The following SEMA4G variants were observed in gnomAD, a reference collection of about 807,000 sequenced individuals.
SEMA4G encodes the protein semaphorin-4G.
SEMA4G carries 59 observed loss-of-function variants against 81.2 expected under a neutral mutation model. The ratio of observed to expected loss-of-function variants is 0.73; its 90% CI spans 0.59 to 0.90. SEMA4G has a LOEUF of 0.90. SEMA4G is among the 40% of genes least tolerant of loss of function. The pLI, the probability that SEMA4G is intolerant of heterozygous loss-of-function variation, is 0.00. For missense variants in SEMA4G, 952 were observed against 1,102.3 expected, an observed-to-expected ratio of 0.86 and a Z score of 1.93; for synonymous variants, 404 against 433.9, an observed-to-expected ratio of 0.93 and a Z score of 0.86.
chr10:100,984,374 G>C, exon 14 of SEMA4G: 1 of 1,447,844 alleles, frequency 6.9e-7, no homozygotes, highest in Non-Finnish European at 9.0e-7. Context: ...GCTCCCTCAG[G>C]ATCAGGTGCC....
chr10:100,982,319 A>G (rs1305061361), intron 13 of SEMA4G, among the ~76,000 whole-genome samples: 1 of 152,180 alleles, frequency 6.6e-6, no homozygotes, highest in Non-Finnish European at 1.5e-5. Flanking sequence ...CCGAAAAGCA[A>G]TAGGAAACCT....
In SEMA4G at chr10:100,984,679, C is replaced by A. The variant is rs1351283007; in HGVS notation, c.*548C>A. On this transcript the variant is annotated 3_prime_UTR_variant, in exon 14 of 14. Coordinates refer to ENST00000370250, the Ensembl canonical transcript of SEMA4G. ...CACCCTCACCTTCTCCTGGTGCATT[C>A]TTGTTTCATCCCTGCTTCTGGACTT... is the stretch of plus-strand genomic sequence containing the variant. The A allele has an allele frequency of 2.0e-6, 3 of 1,536,270 alleles. No individual in the cohort carries two copies. The Admixed American group carries it at 5.9e-5, about 30-fold the overall frequency.
Position 100,973,645 on chromosome 10 carries a change from C to T in SEMA4G, c.336+36C>T. 6.3e-7 allele frequency: 1 copy of T among 1,596,514 alleles called. No homozygotes were observed. Among genetic ancestry groups the T allele is most frequent in the Non-Finnish European group, 8.6e-7 (1 of 1,164,890 alleles). ...TGCCCTGTCCCCAGCTCCTTTCCTCCCCTTCTTCCTCAATCAGGGATGCCA... is the reference window on the plus strand; with the variant it reads ...TGCCCTGTCCCCAGCTCCTTTCCTCTCCTTCTTCCTCAATCAGGGATGCCA... On this transcript the variant is annotated intron_variant, in intron 3 of 13. Transcript: ENST00000370250. The surrounding 1 kb of genome is among the most constrained non-coding windows in gnomAD (Gnocchi z 5.5).
chr10:100,969,883 CGAA>C (rs1382889823), upstream of SEMA4G: 1 of 455,876 alleles, frequency 2.2e-6, no homozygotes, highest in South Asian at 1.5e-5. Context: ...CCGGCGGGAT[CGAA>C]GGAGAGCTTG....
In SEMA4G at chr10:100,973,561, C is replaced by T. The variant is rs879452513; in HGVS notation, c.288C>T (p.Ala96=). ...GCCTCCACTAGATCCACTGGGAAGC[C>T]TCCCCAGAGATGCAAAGCAAATGTC... is the stretch of plus-strand genomic sequence containing the variant. The change falls in exon 3 of 14, where the codon GCC becomes GCT. Residue 96 remains alanine (A), a synonymous_variant. Coordinates refer to ENST00000370250, the Ensembl canonical transcript of SEMA4G. The surrounding 1 kb of genome is among the most constrained non-coding windows in gnomAD (Gnocchi z 5.5). 1.2e-6 allele frequency: 2 copies of T among 1,614,056 alleles called. No individual in the cohort carries two copies. Among genetic ancestry groups the T allele is most frequent in the African/African-American group, 1.3e-5 (1 of 74,916 alleles).
At chr10:100,975,274 A>G (rs1384880380) in intron 3 of SEMA4G, among the ~76,000 whole-genome samples, 1 of 152,230 alleles carries the variant, frequency 6.6e-6, no homozygotes, top group Non-Finnish European at 1.5e-5. Flanking sequence ...GAAGGGCCCA[A>G]GAGTCTGCAA....
chr10:100,984,119 G>C lies in SEMA4G; in HGVS notation c.2505G>C (p.Glu835Asp), dbSNP rs138231164. Reference sequence around the variant, plus strand: ...CGCAGCTCGTGGAGCAGCTAGATGAGAGCTCTGTCTGAGCCCAGCCTCCCA... The same window carrying C: ...CGCAGCTCGTGGAGCAGCTAGATGACAGCTCTGTCTGAGCCCAGCCTCCCA... Residue 835 changes from glutamate (E) to aspartate (D), a missense_variant, in exon 14 of 14, where the codon GAG (glutamate) becomes GAC (aspartate). Around this residue, in one of 3 missense-constraint regions of SEMA4G, gnomAD observed 385 missense variants for 413.5 expected, o/e 0.93. Transcript: ENST00000370250. The C allele has an allele frequency of 1.3e-4, 210 of 1,610,222 alleles. No individual in the cohort carries two copies. Among genetic ancestry groups the C allele is most frequent in the Non-Finnish European group, 1.6e-4 (194 of 1,178,354 alleles).
upstream of SEMA4G, among the ~76,000 whole-genome samples, chr10:100,970,638 G>A (rs1259071809): frequency 6.6e-6 from 1 of 152,100 alleles, no homozygotes; most frequent in Non-Finnish European, 1.5e-5. Context: ...CAGGAACAGA[G>A]GCAGGGTTCT....
chr10:100,972,257 G>T (rs1297616437), upstream of SEMA4G, among the ~76,000 whole-genome samples: 6 of 152,108 alleles, frequency 3.9e-5, no homozygotes, highest in Non-Finnish European at 8.8e-5. Context: ...TGACTTGAGG[G>T]CCTAGTGGAG....
exon 14 of SEMA4G, chr10:100,984,352 T>C (rs1851313372): frequency 1.8e-5 from 26 of 1,443,820 alleles, no homozygotes; most frequent in Non-Finnish European, 2.3e-5. Context: ...TCGGTGCTCC[T>C]CAGAGGTAGG....
chr10:100,984,578 C>T, exon 14 of SEMA4G: 1 of 1,536,208 alleles, frequency 6.5e-7, no homozygotes, highest in Non-Finnish European at 8.7e-7. Flanking sequence ...GACAAGACCT[C>T]TGCCAGCCAC....
At position 100,973,665 on chromosome 10, in the gene SEMA4G, A is replaced by T; in HGVS notation, c.336+56A>T. 6.6e-7 allele frequency: 1 copy of T among 1,526,050 alleles called. No individual in the cohort carries two copies. The highest frequency in any genetic ancestry group is 1.1e-5 in the South Asian group (1 of 87,112). 94.5% of individuals were successfully genotyped at this position (1,526,050 alleles called of 1,614,324 possible). ...TCCTCCCCTTCTTCCTCAATCAGGG[A>T]TGCCAGGATTGTTGGGGACACAGAT... On this transcript the variant is annotated intron_variant, in intron 3 of 13. Coordinates refer to ENST00000370250, the Ensembl canonical transcript of SEMA4G. The surrounding 1 kb of genome is among the most constrained non-coding windows in gnomAD (Gnocchi z 5.5).
upstream of SEMA4G, among the ~76,000 whole-genome samples, chr10:100,971,558 A>G (rs1850632131): frequency 6.6e-6 from 1 of 152,094 alleles, no homozygotes; most frequent in East Asian, 1.9e-4. Flanking sequence ...CCAGATAGTT[A>G]ATATTTGACC....
Position 100,979,717 on chromosome 10 carries a change from C to T in SEMA4G, c.984-131C>T, listed in dbSNP as rs1238728675. 2.9e-6 allele frequency: 3 copies of T among 1,035,970 alleles called. No individual in the cohort carries two copies. In the East Asian group the frequency reaches 7.1e-5, roughly 25 times the overall value. 64.2% of individuals were successfully genotyped at this position (1,035,970 alleles called of 1,614,324 possible). A position where few individuals can be genotyped will look rare whatever the true frequency, so the allele number is the denominator to read the frequency against. ...GAGAATGAATGCAGTGGTCCACTGACTCACAGGAGAGGCCCTGTGGGACTA... is the reference window on the plus strand; with the variant it reads ...GAGAATGAATGCAGTGGTCCACTGATTCACAGGAGAGGCCCTGTGGGACTA... On this transcript the variant is annotated intron_variant, in intron 8 of 13. Coordinates refer to ENST00000370250, the Ensembl canonical transcript of SEMA4G.
At chr10:100,977,314 G>A (rs1850843854) in intron 3 of SEMA4G, among the ~76,000 whole-genome samples, 1 of 152,184 alleles carries the variant, frequency 6.6e-6, no homozygotes, top group Admixed American at 6.5e-5. Context: ...GATGGGAGAG[G>A]AGAAGCACCT....
chr10:100,981,635 T>A, intron 13 of SEMA4G: 1 of 1,427,240 alleles, frequency 7.0e-7, no homozygotes. Flanking sequence ...CTATGCATGA[T>A]GTCATCTACT....
chr10:100,972,900 C>T (rs1430821467), exon 1 of SEMA4G: 2 of 1,597,278 alleles, frequency 1.3e-6, no homozygotes, highest in African/African-American at 1.4e-5. Context: ...TTAGTCTGGG[C>T]CTCCCCAGGA....
chr10:100,980,772 A>G (rs745803670), intron 11 of SEMA4G, 50 bp from the exon 13 acceptor site: 12 of 1,601,816 alleles, frequency 7.5e-6, no homozygotes, highest in Non-Finnish European at 1.0e-5. Flanking sequence ...GAGGCTGTGT[A>G]TCTGTATGAG....
At position 100,979,080 on chromosome 10, in the gene SEMA4G, T is replaced by C. The variant is rs769709858; in HGVS notation, c.814-22T>C. On this transcript the variant is annotated intron_variant, in intron 7 of 13. Coordinates refer to ENST00000370250, the Ensembl canonical transcript of SEMA4G. ...CTGGACCTCTGACCCTGGCCCCTTA[T>C]CCCGTGCCTCTACCTCCCCAGGGAG... The C allele has an allele frequency of 5.6e-6, 9 of 1,613,534 alleles. No homozygotes were observed. In the East Asian group the frequency reaches 1.8e-4, roughly 32 times the overall value.
Sources: allele counts gnomAD v4.1 joint callset (sites outside exome capture counted in the v4.1 genomes callset), GRCh38; gene constraint gnomAD v4.1.1; regional missense constraint gnomAD v4.1.1; non-coding constraint Gnocchi (gnomAD v3.1); transcripts MANE v1.5; gene names NCBI Gene and HGNC (gene_info 2026-07-23, HGNC 2026-07-21).